Variants in EFCAB5 observed in about 807,000 individuals in gnomAD.
The protein encoded by EFCAB5 is EF-hand calcium binding domain 5.
Under a neutral mutation model 167.9 loss-of-function variants are expected in EFCAB5, and 131 were observed. The ratio of observed to expected loss-of-function variants is 0.78; its 90% CI spans 0.68 to 0.90. The LOEUF is 0.90. Among genes scored for constraint, EFCAB5 ranks in the 40% least tolerant of loss-of-function variants. The probability of loss-of-function intolerance (pLI) is 0.00; values close to 1 mark genes in which losing one functional copy is unlikely to be tolerated. For synonymous variants in EFCAB5, 574 were observed against 602.8 expected (o/e 0.95, Z 0.70); for missense variants, 1,663 against 1,745.2 (o/e 0.95, Z 0.84).
intron 7 of EFCAB5, among the ~76,000 whole-genome samples, chr17:30,004,912 G>A (rs965700094): frequency 6.7e-6 from 1 of 149,364 alleles, no homozygotes; most frequent in East Asian, 2.0e-4. Context: ...TGGGATTACA[G>A]GTGTGAGCCA....
intron 7 of EFCAB5, among the ~76,000 whole-genome samples, chr17:30,014,498 T>C (rs1225116277): frequency 6.6e-6 from 1 of 152,236 alleles, no homozygotes; most frequent in Non-Finnish European, 1.5e-5. Context: ...ATTGAGTGCA[T>C]ATGTATTTAG....
chr17:30,079,305 C>T (rs2070934690), intron 15 of EFCAB5, among the ~76,000 whole-genome samples: 2 of 151,952 alleles, frequency 1.3e-5, no homozygotes, highest in South Asian at 2.1e-4. Flanking sequence ...AGAAATCTCG[C>T]TACATATTTG....
intron 7 of EFCAB5, among the ~76,000 whole-genome samples, chr17:30,014,188 T>TCTTTAA (rs2068976097): frequency 1.3e-5 from 2 of 152,346 alleles, no homozygotes; most frequent in South Asian, 4.1e-4. Context: ...TGATTTCTGT[T>TCTTTAA]CTTTAACATT....
At chr17:29,942,548 A>G (rs2067314866) in intron 2 of EFCAB5, among the ~76,000 whole-genome samples, 1 of 152,202 alleles carries the variant, frequency 6.6e-6, no homozygotes, top group African/African-American at 2.4e-5. Context: ...TGCTTTCTAA[A>G]GTTACCCTAA....
chr17:30,105,182 A>G (rs1338536401), intron 22 of EFCAB5, among the ~76,000 whole-genome samples: 1 of 152,182 alleles, frequency 6.6e-6, no homozygotes, highest in Non-Finnish European at 1.5e-5. Flanking sequence ...CAGGGTTTCC[A>G]GGAAACTAAT....
At chr17:30,060,510 T>C (rs1301069045) in intron 14 of EFCAB5, among the ~76,000 whole-genome samples, 1 of 152,218 alleles carries the variant, frequency 6.6e-6, no homozygotes, top group Non-Finnish European at 1.5e-5. Context: ...GGTTTAAAGA[T>C]TTATCTGGTT....
chr17:30,026,037 G>C (rs907353981), intron 7 of EFCAB5, among the ~76,000 whole-genome samples: 3 of 151,718 alleles, frequency 2.0e-5, no homozygotes, highest in Admixed American at 6.6e-5. Flanking sequence ...GCGGAGGGGG[G>C]AGGGATAGCA....
intron 4 of EFCAB5, among the ~76,000 whole-genome samples, chr17:29,982,860 T>C (rs973940851): frequency 8.5e-5 from 13 of 152,236 alleles, no homozygotes; most frequent in East Asian, 1.9e-4. Flanking sequence ...ACAGCTTGAA[T>C]TGATGGATAG....
intron 7 of EFCAB5, among the ~76,000 whole-genome samples, chr17:30,028,788 T>A (rs900553577): frequency 6.6e-6 from 1 of 152,208 alleles, no homozygotes; most frequent in Non-Finnish European, 1.5e-5. Flanking sequence ...TGAGGGCCTC[T>A]CTCATTGGCT....
Position 29,943,647 on chromosome 17 carries a change from A to G in EFCAB5, c.188A>G (p.Gln63Arg), listed in dbSNP as rs1175840401. ...VEKAMDEIKS[Q>R]ELNLEGQRKI... is the part of the protein sequence containing the mutation. ...AAAGCAATGGATGAAATCAAATCCC[A>G]AGGTAGAGAACTAGCCTTTCTCTTA... is the stretch of plus-strand genomic sequence containing the variant. Residue 63 changes from glutamine (Q) to arginine (R), a missense_variant and splice_region_variant, in exon 3 of 23, where the codon CAA becomes CGA. Coordinates refer to ENST00000394835, the MANE Select transcript of EFCAB5 (RefSeq NM_198529.4). 6.4e-7 allele frequency: 1 copy of G among 1,570,272 alleles called. No individual in the cohort carries two copies. The highest frequency in any genetic ancestry group is 8.6e-7 in the Non-Finnish European group (1 of 1,156,886).
intron 8 of EFCAB5, among the ~76,000 whole-genome samples, chr17:30,035,274 A>G (rs373036095): frequency 6.6e-6 from 1 of 152,330 alleles, no homozygotes; most frequent in South Asian, 2.1e-4. Context: ...TGCCTGAAGG[A>G]CAACTATTCT....
intron 4 of EFCAB5, among the ~76,000 whole-genome samples, chr17:29,971,476 G>C (rs1358229137): frequency 6.6e-6 from 1 of 151,924 alleles, no homozygotes; most frequent in African/African-American, 2.4e-5. Context: ...CTTCATTATG[G>C]GCAGTTTTTA....
At chr17:30,059,498 C>T in intron 13 of EFCAB5, 47 bp from the exon 14 acceptor site, 1 of 1,511,204 alleles carries the variant, frequency 6.6e-7, no homozygotes, top group Non-Finnish European at 8.9e-7. Flanking sequence ...CTAGCTAGCA[C>T]AATGAACATA....
At chr17:29,987,531 C>G (rs573255693) in intron 4 of EFCAB5, among the ~76,000 whole-genome samples, 30 of 152,200 alleles carry the variant, frequency 2.0e-4, no homozygotes, top group Admixed American at 4.6e-4. Context: ...TGCTGTTCAG[C>G]TGCTGATAGT....
chr17:29,990,470 A>G (rs1208342412), intron 4 of EFCAB5, among the ~76,000 whole-genome samples: 1 of 152,162 alleles, frequency 6.6e-6, no homozygotes, highest in Non-Finnish European at 1.5e-5. Context: ...ACAAAAGTAG[A>G]TATAACAATT....
intron 4 of EFCAB5, among the ~76,000 whole-genome samples, chr17:29,976,231 A>G (rs2068060887): frequency 6.6e-6 from 1 of 152,200 alleles, no homozygotes; most frequent in Admixed American, 6.6e-5. Context: ...AGTAATAAGC[A>G]CACTAGGACA....
intron 8 of EFCAB5, among the ~76,000 whole-genome samples, chr17:30,045,968 G>T (rs2069917673): frequency 6.6e-6 from 1 of 152,174 alleles, no homozygotes; most frequent in Non-Finnish European, 1.5e-5. Context: ...CTTGAGCCCA[G>T]AAGTTAGAGG....
intron 7 of EFCAB5, among the ~76,000 whole-genome samples, chr17:30,014,903 T>A (rs974355857): frequency 1.3e-5 from 2 of 152,206 alleles, no homozygotes; most frequent in Non-Finnish European, 2.9e-5. Flanking sequence ...TCGATGGTCT[T>A]TACAATTTGG....
Position 30,053,812 on chromosome 17 carries a change from A to C in EFCAB5, c.1858A>C (p.Lys620Gln). 1 of 1,614,024 alleles carries C rather than the reference A, an allele frequency of 6.2e-7. No homozygotes were observed. The highest frequency in any genetic ancestry group is 1.1e-5 in the South Asian group (1 of 91,086). The change falls in exon 10 of 23, where the codon AAA (lysine) becomes CAA (glutamine). Residue 620 changes from lysine to glutamine, a missense_variant. Lys to Gln is a moderately conservative substitution (Grantham distance 53). Transcript: ENST00000394835. The stretch of plus-strand genomic sequence containing the variant: ...GTCTATTGCAGAACAAGATCGACAC[A>C]AAGGGTCAGTAGCAGAACAAGGATC... ...RESIAEQDRHKGSVAEQGSRR... is the reference protein window; with the variant it reads ...RESIAEQDRHQGSVAEQGSRR...
Sources: allele counts gnomAD v4.1 joint callset (sites outside exome capture counted in the v4.1 genomes callset), GRCh38; gene constraint gnomAD v4.1.1; transcripts MANE v1.5; gene names NCBI Gene and HGNC (gene_info 2026-07-23, HGNC 2026-07-21).